The following CPLANE1 variants were observed in gnomAD, a reference collection of about 807,000 sequenced individuals.
CPLANE1 encodes ciliogenesis and planar polarity effector 1.
CPLANE1 carries 263 observed loss-of-function variants against 362.5 expected under a neutral mutation model. That is an observed-to-expected ratio of 0.73 (90% CI 0.66 to 0.80). The LOEUF (loss-of-function observed/expected upper bound fraction) is 0.80, where lower values mean the gene tolerates loss of function less well. Ranked by LOEUF, CPLANE1 falls within the 30% of genes least tolerant of loss-of-function variation. The probability of loss-of-function intolerance (pLI) is 0.00; values close to 1 mark genes in which losing one functional copy is unlikely to be tolerated. For synonymous variants in CPLANE1, 1,212 were observed against 1,302.6 expected, an observed-to-expected ratio of 0.93 and a Z score of 1.50; for missense variants, 3,461 against 3,793.4, an observed-to-expected ratio of 0.91 and a Z score of 2.30.
At chr5:37,230,801 A>C (rs1797571042) in intron 9 of CPLANE1, 66 bp downstream of exon 9, 1 of 1,135,102 alleles carries the variant, frequency 8.8e-7, no homozygotes, top group Non-Finnish European at 1.1e-6. Flanking sequence ...TTTTGAATAC[A>C]CAGTAAAAGT....
At chr5:37,120,460 C>T in intron 49 of CPLANE1, 120 bp from the exon 50 acceptor site, 2 of 774,414 alleles carry the variant, frequency 2.6e-6, no homozygotes, top group Non-Finnish European at 3.8e-6. Context: ...GCCCCAGCTA[C>T]TGGCGAGGGT....
chr5:37,214,115 A>G (rs976973889), intron 15 of CPLANE1, among the ~76,000 whole-genome samples: 3 of 152,196 alleles, frequency 2.0e-5, no homozygotes, highest in Non-Finnish European at 4.4e-5. Flanking sequence ...ATATATGTAA[A>G]TAATTATTTT....
intron 12 of CPLANE1, among the ~76,000 whole-genome samples, chr5:37,225,897 TTAAC>T (rs1049730010): frequency 6.6e-6 from 1 of 150,398 alleles, no homozygotes; most frequent in Non-Finnish European, 1.5e-5. Flanking sequence ...TTAACAGTAC[TTAAC>T]TAAACCAAAA....
intron 36 of CPLANE1, among the ~76,000 whole-genome samples, chr5:37,164,925 CA>C (rs957343190): frequency 2.0e-5 from 3 of 151,998 alleles, no homozygotes; most frequent in African/African-American, 7.3e-5. Context: ...GGCAACACAG[CA>C]AGGTCCCACC....
chr5:37,183,037 C>T lies in CPLANE1; in HGVS notation c.5144G>A (p.Arg1715Lys). ...CTGAATAGCTTTGAAAATACATCTT[C>T]TAGTTTTAATGGACTTGGGAGTCCA... is the stretch of plus-strand genomic sequence containing the variant. The part of the protein sequence containing the change: ...IFWTPKSIKT[R>K]RCIFKAIQCN... Residue 1715 changes from arginine to lysine, a missense_variant, in exon 26 of 53, where the codon AGA becomes AAA. By Grantham distance (26) the Arg-to-Lys change is conservative. Around this residue, in one of 2 missense-constraint regions of CPLANE1, gnomAD observed 3,380 missense variants for 3,666.1 expected, o/e 0.92. Coordinates refer to ENST00000651892, the MANE Select transcript of CPLANE1 (RefSeq NM_001384732.1). 6.2e-7 allele frequency: 1 copy of T among 1,613,468 alleles called. No homozygotes were observed. Among genetic ancestry groups the T allele is most frequent in the Non-Finnish European group, 8.5e-7 (1 of 1,179,880 alleles).
intron 43 of CPLANE1, among the ~76,000 whole-genome samples, chr5:37,147,153 A>G (rs1218276522): frequency 6.6e-6 from 1 of 152,226 alleles, no homozygotes; most frequent in East Asian, 1.9e-4. Context: ...TAGAAGCTTG[A>G]CCAAAGGGAG....
In CPLANE1 at chr5:37,226,871, C is replaced by G; in HGVS notation, c.1724G>C (p.Ser575Thr). 6.4e-7 allele frequency: 1 copy of G among 1,551,356 alleles called. No individual in the cohort carries two copies. The highest frequency in any genetic ancestry group is 8.7e-7 in the Non-Finnish European group (1 of 1,146,896). The change falls in exon 12 of 53, where the codon AGT becomes ACT. Residue 575 changes from serine to threonine, a missense_variant. Ser to Thr is a moderately conservative substitution (Grantham distance 58). Transcript: ENST00000651892. The stretch of plus-strand genomic sequence containing the variant: ...TCCTATAGTCCACGCTGCAAGTAGA[C>G]TTTTCTGGATAGAATGCAGTTCTGT... ...TITELHSIQK[S>T]LLAAWTIGIS...
intron 43 of CPLANE1, 71 bp from the exon 44 acceptor site, chr5:37,142,551 G>T: frequency 1.9e-6 from 2 of 1,057,016 alleles, no homozygotes; most frequent in East Asian, 2.8e-5. Flanking sequence ...AAAGACAATT[G>T]CCACTATTTC....
At chr5:37,091,542 G>T in the CPLANE1 span, among the ~76,000 whole-genome samples, 7 of 152,084 alleles carry the variant, frequency 4.6e-5, no homozygotes, top group Non-Finnish European at 8.8e-5. Flanking sequence ...AGAAGAGGGG[G>T]AGTATGAGTA....
chr5:37,238,843 A>G lies in CPLANE1; in HGVS notation c.938+14T>C, dbSNP rs1404127412. The G allele has an allele frequency of 3.5e-6, 5 of 1,412,540 alleles. No individual in the cohort carries two copies. Among genetic ancestry groups the G allele is most frequent in the Non-Finnish European group, 4.8e-6 (5 of 1,050,968 alleles). The allele number at this position is 1,412,540 out of a possible 1,614,324, so 87.5% of individuals were successfully genotyped here. A position where few individuals can be genotyped will look rare whatever the true frequency, so the allele number is the denominator to read the frequency against. On this transcript the variant is annotated intron_variant, in intron 8 of 52. Transcript: ENST00000651892. ...AGAAAAAAAGAAAAAAAAGACAGAC[A>G]AAAGAGTTCTTACCTAATAAGTGTA...
intron 46 of CPLANE1, among the ~76,000 whole-genome samples, chr5:37,125,653 C>CT (rs1354604213): frequency 6.6e-6 from 1 of 152,210 alleles, no homozygotes; most frequent in Non-Finnish European, 1.5e-5. Context: ...TCTTTAAACT[C>CT]TATCTTACCT....
At chr5:37,103,109 T>C (rs1175191536), downstream of CPLANE1, among the ~76,000 whole-genome samples, 2 of 152,236 alleles carry the variant, frequency 1.3e-5, no homozygotes, top group African/African-American at 4.8e-5. Context: ...TAGTTAGCTC[T>C]TGTTGAATTG....
chr5:37,135,671 A>G lies in CPLANE1; in HGVS notation c.8792+3049T>C, dbSNP rs536399871. 2.0e-5 allele frequency among the ~76,000 whole-genome samples: 3 copies of G among 152,226 alleles called. No homozygotes were observed. The South Asian group carries it at 6.2e-4, about 32-fold the overall frequency. Reference sequence around the variant, plus strand: ...AACATGGTGAAACCCTGTCTCTACTAAAAATATAAAAATTAGCTGGACGTG... The same window carrying G: ...AACATGGTGAAACCCTGTCTCTACTGAAAATATAAAAATTAGCTGGACGTG... On this transcript the variant is annotated intron_variant, in intron 46 of 52. Transcript: ENST00000651892.
chr5:37,170,817 T>C (rs566389376), intron 32 of CPLANE1, among the ~76,000 whole-genome samples: 5 of 152,232 alleles, frequency 3.3e-5, no homozygotes, highest in African/African-American at 1.2e-4. Context: ...GGGCCCGTAG[T>C]CCCAACTACT....
intron 8 of CPLANE1, among the ~76,000 whole-genome samples, chr5:37,234,282 C>T (rs981413615): frequency 1.3e-5 from 2 of 150,376 alleles, no homozygotes; most frequent in African/African-American, 2.4e-5. Flanking sequence ...TTCAAAATAC[C>T]GATTTTGAAG....
Position 37,169,473 on chromosome 5 carries a change from G to A in CPLANE1, c.6551C>T (p.Ser2184Phe), listed in dbSNP as rs778922159. 5.0e-5 allele frequency: 80 copies of A among 1,614,060 alleles called. 1 individual carries two copies. Among genetic ancestry groups the A allele is most frequent in the Non-Finnish European group, 5.2e-5 (61 of 1,180,016 alleles). The change falls in exon 34 of 53, where the codon TCC (serine) becomes TTC (phenylalanine). Residue 2184 changes from serine to phenylalanine, a missense_variant. Transcript: ENST00000651892. Reference protein sequence around the residue: ...GPIPSSQNLPSTSFYPAPAGN... With the variant: ...GPIPSSQNLPFTSFYPAPAGN... The stretch of plus-strand genomic sequence containing the variant: ...AGCAGGAGCTGGATAAAACGAAGTG[G>A]ATGGTAAGTTTTGAGATGATGGAAT...
chr5:37,212,820 TA>T (rs1478542376), intron 16 of CPLANE1, among the ~76,000 whole-genome samples: 1 of 152,256 alleles, frequency 6.6e-6, no homozygotes, highest in Non-Finnish European at 1.5e-5. Context: ...ATTAAATCTC[TA>T]CATTTTGACA....
At chr5:37,085,224 A>C in the CPLANE1 span, 1 of 846,810 alleles carries the variant, frequency 1.2e-6, no homozygotes, top group Non-Finnish European at 2.1e-6. Flanking sequence ...GTATGCCCTG[A>C]CAGGAGATGA....
At position 37,175,630 on chromosome 5, in the gene CPLANE1, C is replaced by T. The variant is rs573139398; in HGVS notation, c.5978+279G>A. On this transcript the variant is annotated intron_variant, in intron 31 of 52. Transcript: ENST00000651892. ...AGAAGCTGAAAATGAGCAACAACTT[C>T]ATCTTTCAATAATATATCACTACTT... Among the ~76,000 whole-genome samples, 3 of 152,298 alleles carry T rather than the reference C, an allele frequency of 2.0e-5. No homozygotes were observed. In the East Asian group the frequency reaches 5.8e-4, roughly 29 times the overall value.
Sources: allele counts gnomAD v4.1 joint callset (sites outside exome capture counted in the v4.1 genomes callset), GRCh38; gene constraint gnomAD v4.1.1; regional missense constraint gnomAD v4.1.1; transcripts MANE v1.5; gene names NCBI Gene and HGNC (gene_info 2026-07-23, HGNC 2026-07-21).